CTU2: variants seen among roughly 807,000 people sequenced by gnomAD.
CTU2 encodes cytoplasmic tRNA 2-thiolation protein 2.
A neutral mutation model predicts 64.1 loss-of-function variants in CTU2; 80 were observed. The observed-to-expected ratio is 1.25, with a 90% CI of 1.04 to 1.50. CTU2 has a LOEUF of 1.50. Ranked by LOEUF, CTU2 falls within the 40% of genes most tolerant of loss-of-function variation. The probability of loss-of-function intolerance (pLI) is 0.00; values close to 1 mark genes in which losing one functional copy is unlikely to be tolerated. For missense variants in CTU2, 1,110 were observed against 690.2 expected, an observed-to-expected ratio of 1.61 and a Z score of -6.81; for synonymous variants, 482 against 285.3, an observed-to-expected ratio of 1.69 and a Z score of -6.95.
intron 4 of CTU2, among the ~76,000 whole-genome samples, chr16:88,711,096 G>T (rs1335182851): frequency 2.6e-5 from 4 of 152,016 alleles, no homozygotes; most frequent in East Asian, 1.9e-4. Flanking sequence ...TGGGGTGTTG[G>T]TCTCAGGATG....
At chr16:88,713,902 G>A (rs1911608536) in intron 9 of CTU2, 124 bp downstream of exon 9, 1 of 1,360,052 alleles carries the variant, frequency 7.4e-7, no homozygotes, top group Non-Finnish European at 1.0e-6. Context: ...GTGGCCCCCA[G>A]CAGTGCTGCA....
Position 88,714,247 on chromosome 16 carries a change from T to C in CTU2, c.1097+20T>C, listed in dbSNP as rs1567652193. On this transcript the variant is annotated intron_variant, in intron 10 of 14. Coordinates refer to ENST00000453996, the MANE Select transcript of CTU2 (RefSeq NM_001012759.3). ...GTACAGGTGTGGGTGTGTGTGGGTG[T>C]GTGCGGGGGGTGCGCGGGTGTGTGC... The C allele has an allele frequency of 6.2e-7, 1 of 1,602,226 alleles. No individual in the cohort carries two copies. Among genetic ancestry groups the C allele is most frequent in the Admixed American group, 1.7e-5 (1 of 59,630 alleles).
chr16:88,713,413 C>G lies in CTU2; in HGVS notation c.839C>G (p.Ala280Gly), dbSNP rs776220494. 1.3e-6 allele frequency: 2 copies of G among 1,599,958 alleles called. No individual in the cohort carries two copies. The highest frequency in any genetic ancestry group is 1.7e-6 in the Non-Finnish European group (2 of 1,175,698). The part of the protein sequence containing the change: ...RLAIKLMTNL[A>G]LGRGAFLAWD... Reference sequence around the variant, plus strand: ...GCTATCAAGCTCATGACCAACCTGGCGCTGGGTCGAGGGGCCTTCCTGGCC... The same window carrying G: ...GCTATCAAGCTCATGACCAACCTGGGGCTGGGTCGAGGGGCCTTCCTGGCC... The change falls in exon 8 of 15, where the codon GCG becomes GGG. Residue 280 changes from alanine (A) to glycine (G), a missense_variant. By Grantham distance (60) the Ala-to-Gly change is moderately conservative. Coordinates refer to ENST00000453996, the MANE Select transcript of CTU2 (RefSeq NM_001012759.3).
intron 2 of CTU2, among the ~76,000 whole-genome samples, chr16:88,708,564 A>T (rs1180541329): frequency 1.3e-5 from 2 of 152,012 alleles, no homozygotes; most frequent in African/African-American, 4.8e-5. Flanking sequence ...GTCACTTCCC[A>T]TGTCCCAGCC....
chr16:88,711,320 G>A (rs954648635), intron 4 of CTU2, among the ~76,000 whole-genome samples: 1 of 152,096 alleles, frequency 6.6e-6, no homozygotes, highest in South Asian at 2.1e-4. Flanking sequence ...TGGGATGGTG[G>A]CACAGTGGCC....
intron 2 of CTU2, among the ~76,000 whole-genome samples, chr16:88,707,957 C>T (rs895569978): frequency 6.6e-6 from 1 of 152,032 alleles, no homozygotes; most frequent in Non-Finnish European, 1.5e-5. Flanking sequence ...ATTACAGGTG[C>T]CTGCCATCAT....
rs779795113 is a variant in CTU2, at chr16:88,712,138, A to G, written c.344-136A>G. The stretch of plus-strand genomic sequence containing the variant: ...ACCCCTGCCCAAAGGAAAATGGCCG[A>G]CACCCCACAGCTCCGCCAGGAAGCA... On this transcript the variant is annotated intron_variant, in intron 5 of 14. Coordinates refer to ENST00000453996, the MANE Select transcript of CTU2 (RefSeq NM_001012759.3). 3 of 791,328 alleles carry G rather than the reference A, an allele frequency of 3.8e-6. No individual in the cohort carries two copies. In the South Asian group the frequency reaches 4.3e-5, roughly 11 times the overall value. The allele number at this position is 791,328 out of a possible 1,614,324, so 49.0% of individuals were successfully genotyped here. A position where few individuals can be genotyped will look rare whatever the true frequency, so the allele number is the denominator to read the frequency against.
chr16:88,710,311 G>T, intron 4 of CTU2, 29 bp downstream of exon 4: 2 of 1,612,544 alleles, frequency 1.2e-6, no homozygotes, highest in Non-Finnish European at 1.7e-6. Flanking sequence ...GTGGGCCCGG[G>T]CTGCTGGGCT....
rs61730418 is a variant in CTU2 at position 88,714,405 on chromosome 16, G to T, written c.1120G>T (p.Gly374Cys). 1.7e-3 allele frequency: 2,759 copies of T among 1,612,490 alleles called. 43 individuals are homozygous for T. In the African/African-American group the frequency reaches 0.033, roughly 19 times the overall value. The change falls in exon 11 of 15, where the codon GGC (glycine) becomes TGC (cysteine). Residue 374 changes from glycine (G) to cysteine (C), a missense_variant. Coordinates refer to ENST00000453996, the MANE Select transcript of CTU2 (RefSeq NM_001012759.3). ...VYRTSEKLVK[G>C]PRDGPAAGDS... The stretch of plus-strand genomic sequence containing the variant: ...CAGGACAAGTGAGAAGCTGGTGAAG[G>T]GCCCCCGGGATGGCCCTGCTGCTGG...
At chr16:88,707,301 T>C (rs1597420856) in intron 2 of CTU2, 91 bp downstream of exon 2, 2 of 1,184,522 alleles carry the variant, frequency 1.7e-6, no homozygotes, top group Non-Finnish European at 1.3e-6. Context: ...TAATTCTTTT[T>C]AAAAACATGT....
rs1911092487 is a variant in CTU2 at position 88,708,659 on chromosome 16, CA to C, written c.144-1278del. Among the ~76,000 whole-genome samples the C allele has an allele frequency of 3.3e-5, 5 of 152,142 alleles. 1 individual carries two copies. The South Asian group carries it at 1.0e-3, about 31-fold the overall frequency. ...TGCTTTACTGTCTGTAAAGGAACCA[CA>C]GGGGGGTCATTCGGCCTCTTGTACG... On this transcript the variant is annotated intron_variant, in intron 2 of 14. Coordinates refer to ENST00000453996, the MANE Select transcript of CTU2 (RefSeq NM_001012759.3).
Position 88,712,756 on chromosome 16 carries a change from G to C in CTU2, c.588G>C (p.Pro196=). 6.2e-7 allele frequency: 1 copy of C among 1,608,402 alleles called. No individual in the cohort carries two copies. Among genetic ancestry groups the C allele is most frequent in the African/African-American group, 1.3e-5 (1 of 74,896 alleles). The change falls in exon 7 of 15, where the codon CCG becomes CCC. Residue 196 remains proline (P), a synonymous_variant. Coordinates refer to ENST00000453996, the MANE Select transcript of CTU2 (RefSeq NM_001012759.3). ...TGGGGGCCGGGGGTGGTCCTGGCCC[G>C]ACTCAAGGGGAGGAACAGCCACCCC... ...HVLGAGGGPG[P]TQGEEQPPQP...
rs1342003885 is a variant in CTU2, at chr16:88,713,764, G to A, written c.991G>A (p.Ala331Thr). The change falls in exon 9 of 15, where the codon GCC becomes ACC. Residue 331 changes from alanine to threonine, a missense_variant. Transcript: ENST00000453996. The stretch of plus-strand genomic sequence containing the variant: ...CTCCGTTCCTTCTGTCTTCACACCA[G>A]CCGTCGACACCAAGGTGGGCCTTGT... ...LFSVPSVFTP[A>T]VDTKAPEKAS... 6.2e-7 allele frequency: 1 copy of A among 1,612,696 alleles called. No homozygotes were observed. The highest frequency in any genetic ancestry group is 2.2e-5 in the East Asian group (1 of 44,874).
chr16:88,710,074 T>G, intron 3 of CTU2, 58 bp downstream of exon 3: 1 of 1,595,702 alleles, frequency 6.3e-7, no homozygotes, highest in Non-Finnish European at 8.6e-7. Flanking sequence ...GGTCCCTGCT[T>G]GTCCCTCCCA....
chr16:88,713,453 C>T lies in CTU2; in HGVS notation c.873+6C>T. ...CCTTCCTGGCCTGGGATACGGTAGG[C>T]AGGGGCCTGGGTGTTCAGGAGGCCC... On this transcript the variant is annotated splice_donor_region_variant and intron_variant, in intron 8 of 14. Transcript: ENST00000453996. 8 of 1,573,880 alleles carry T rather than the reference C, an allele frequency of 5.1e-6. No individual in the cohort carries two copies. The highest frequency in any genetic ancestry group is 6.9e-6 in the Non-Finnish European group (8 of 1,166,682).
At chr16:88,712,417 G>A (rs1416593426) in intron 6 of CTU2, 34 bp downstream of exon 6, 1 of 1,533,112 alleles carries the variant, frequency 6.5e-7, no homozygotes, top group East Asian at 2.3e-5. Context: ...GGGTCCCGGA[G>A]GTGACCCCTG....
intron 5 of CTU2, chr16:88,711,981 C>G: frequency 3.3e-6 from 2 of 611,302 alleles, no homozygotes; most frequent in Non-Finnish European, 5.8e-6. Context: ...ATCACGGGGT[C>G]TGGGGACAAA....
rs11549835 is a variant in CTU2 at position 88,714,665 on chromosome 16, G to A, written c.1280G>A (p.Arg427Gln). ...TCACCCATCCCCCTGACTGAGACCCGGACACCCCCGGGGCCCTGCTGTTCT... is the reference window on the plus strand; with the variant it reads ...TCACCCATCCCCCTGACTGAGACCCAGACACCCCCGGGGCCCTGCTGTTCT... ...MQSPIPLTET[R>Q]TPPGPCCSPG... The change falls in exon 12 of 15, where the codon CGG (arginine) becomes CAG (glutamine). Residue 427 changes from arginine to glutamine, a missense_variant. By Grantham distance (43) the Arg-to-Gln change is conservative. Coordinates refer to ENST00000453996, the MANE Select transcript of CTU2 (RefSeq NM_001012759.3). 0.12 allele frequency: 201,115 copies of A among 1,612,306 alleles called. 14,520 individuals are homozygous for A. The highest frequency in any genetic ancestry group is 0.15 in the Non-Finnish European group (174,511 of 1,179,730).
At position 88,714,386 on chromosome 16, in the gene CTU2, A is replaced by G. The variant is rs1400957484; in HGVS notation, c.1101A>G (p.Thr367=). The G allele has an allele frequency of 1.9e-6, 3 of 1,612,392 alleles. No homozygotes were observed. Among genetic ancestry groups the G allele is most frequent in the East Asian group, 4.5e-5 (2 of 44,862 alleles). ...TCCTCCCACAATCCGGCCACAGGAC[A>G]AGTGAGAAGCTGGTGAAGGGCCCCC... ...FPSTVSTVYR[T]SEKLVKGPRD... The change falls in exon 11 of 15, where the codon ACA becomes ACG. Residue 367 remains threonine (T), a synonymous_variant. Transcript: ENST00000453996.
Sources: gnomAD v4.1 joint callset for allele counts (sites outside exome capture counted in the v4.1 genomes callset) on GRCh38, gnomAD v4.1.1 for gene constraint, MANE v1.5 for transcripts, NCBI Gene and HGNC (gene_info 2026-07-23, HGNC 2026-07-21) for gene names.